COP1: variants seen among roughly 807,000 people sequenced by gnomAD.
COP1 encodes the protein E3 ubiquitin-protein ligase COP1.
In COP1, 24 loss-of-function variants were observed where a neutral mutation model predicts 101.3. The ratio of observed to expected loss-of-function variants is 0.24; its 90% confidence interval spans 0.17 to 0.33. The LOEUF is 0.33. Among genes scored for constraint, COP1 ranks in the 10% least tolerant of loss-of-function variants. COP1 has a pLI of 1.00. For missense variants in COP1, 663 were observed against 906.2 expected, an observed-to-expected ratio of 0.73 and a Z score of 3.45; for synonymous variants, 347 against 341.9, an observed-to-expected ratio of 1.01 and a Z score of -0.17.
At chr1:175,994,684 A>G (rs977594757) in intron 15 of COP1, among the ~76,000 whole-genome samples, 6 of 152,252 alleles carry the variant, frequency 3.9e-5, no homozygotes, top group African/African-American at 1.4e-4. Flanking sequence ...CAATTCAACA[A>G]GAAGAGCTAA....
intron 9 of COP1, among the ~76,000 whole-genome samples, chr1:176,114,886 T>C (rs942337867): frequency 6.6e-6 from 1 of 152,208 alleles, no homozygotes; most frequent in African/African-American, 2.4e-5. Flanking sequence ...TTTAAAGTTA[T>C]ATTGTGATTA....
intron 11 of COP1, among the ~76,000 whole-genome samples, chr1:176,055,252 G>A (rs764635938): frequency 7.7e-4 from 118 of 152,276 alleles, no homozygotes; most frequent in Non-Finnish European, 1.4e-3. Context: ...TGGCCAACAC[G>A]ATGAAATCCA....
intron 18 of COP1, among the ~76,000 whole-genome samples, chr1:175,982,014 A>G (rs1655978372): frequency 6.6e-6 from 1 of 152,004 alleles, no homozygotes; most frequent in African/African-American, 2.4e-5. Context: ...TTAAAAAAAG[A>G]TGAAAGATAA....
At chr1:176,071,401 C>T (rs1163415895) in intron 11 of COP1, among the ~76,000 whole-genome samples, 3 of 152,090 alleles carry the variant, frequency 2.0e-5, no homozygotes, top group South Asian at 2.1e-4. Flanking sequence ...TACCCAGTCT[C>T]GGGTATTTCT....
At chr1:175,991,630 A>G (rs1037325868) in intron 15 of COP1, among the ~76,000 whole-genome samples, 2 of 152,214 alleles carry the variant, frequency 1.3e-5, no homozygotes, top group African/African-American at 4.8e-5. Flanking sequence ...GACTCTTGTA[A>G]TAACACTTAG....
chr1:176,158,252 G>C (rs1472134126), intron 5 of COP1, among the ~76,000 whole-genome samples: 1 of 152,128 alleles, frequency 6.6e-6, no homozygotes, highest in African/African-American at 2.4e-5. Flanking sequence ...AGACAGTGGA[G>C]CAACATTTCT....
At position 176,206,620 on chromosome 1, in the gene COP1, C is replaced by G. The variant is rs1700883791; in HGVS notation, c.359G>C (p.Cys120Ser). 1.2e-6 allele frequency: 2 copies of G among 1,612,052 alleles called. No homozygotes were observed. Among genetic ancestry groups the G allele is most frequent in the South Asian group, 2.2e-5 (2 of 91,082 alleles). Residue 120 changes from cysteine (C) to serine (S), a missense_variant, in exon 1 of 20, where the codon TGC becomes TCC. Cys to Ser is a moderately radical substitution (Grantham distance 112). Coordinates refer to ENST00000367669, the MANE Select transcript of COP1 (RefSeq NM_022457.7). ...CTCGTAGGAGTTGATGAGCCCGTTG[C>G]AGAGGGGGGCGAGGAGAGGTCGCTT... is the stretch of plus-strand genomic sequence containing the variant. ...SRKRPLLAPL[C>S]NGLINSYEDK...
At chr1:175,986,904 A>G (rs1558215365) in intron 18 of COP1, 39 bp downstream of exon 18, 7 of 1,470,106 alleles carry the variant, frequency 4.8e-6, no homozygotes, top group Middle Eastern at 1.8e-4. Flanking sequence ...AATGCATAAT[A>G]TGAGATCCCA....
chr1:176,168,423 G>C (rs1177532592), intron 3 of COP1, among the ~76,000 whole-genome samples: 6 of 149,438 alleles, frequency 4.0e-5, no homozygotes, highest in Admixed American at 1.3e-4. Flanking sequence ...GGAGTACGGG[G>C]GAAAGGAAGG....
At chr1:175,960,781 T>A (rs1467817888) in intron 18 of COP1, among the ~76,000 whole-genome samples, 3 of 152,182 alleles carry the variant, frequency 2.0e-5, no homozygotes, top group Non-Finnish European at 2.9e-5. Context: ...ACTCCTGATG[T>A]CCAAGGTAAC....
At chr1:175,955,748 GA>G (rs1650543323) in intron 18 of COP1, among the ~76,000 whole-genome samples, 1 of 82,406 alleles carries the variant, frequency 1.2e-5, no homozygotes, top group African/African-American at 3.6e-5. Context: ...TAAAAAGCAT[GA>G]ATCATTTAGA....
intron 13 of COP1, among the ~76,000 whole-genome samples, chr1:176,043,503 AG>A (rs1670996281): frequency 6.6e-6 from 1 of 152,228 alleles, no homozygotes; most frequent in Non-Finnish European, 1.5e-5. Flanking sequence ...TAAAGACCGA[AG>A]TCTGAAGAAA....
At chr1:175,980,171 G>A (rs1185596087) in intron 18 of COP1, among the ~76,000 whole-genome samples, 3 of 152,082 alleles carry the variant, frequency 2.0e-5, no homozygotes, top group African/African-American at 7.2e-5. Context: ...TCACACAGCT[G>A]ATCAGTGGGG....
At position 176,201,504 on chromosome 1, in the gene COP1, T is replaced by G. The variant is rs114259471; in HGVS notation, c.407+5068A>C. Among the ~76,000 whole-genome samples the G allele has an allele frequency of 5.9e-3, 894 of 152,356 alleles. 11 individuals are homozygous for G. Among genetic ancestry groups the G allele is most frequent in the African/African-American group, 0.021 (857 of 41,588 alleles). On this transcript the variant is annotated intron_variant, in intron 1 of 19. Transcript: ENST00000367669. Reference sequence around the variant, plus strand: ...TTCTTAGATGGAACATATCCACCTATGTAATGTTGGCTCATTATCAGAAAA... The same window carrying G: ...TTCTTAGATGGAACATATCCACCTAGGTAATGTTGGCTCATTATCAGAAAA...
intron 18 of COP1, among the ~76,000 whole-genome samples, chr1:175,947,788 A>G (rs1228066785): frequency 6.6e-6 from 1 of 152,250 alleles, no homozygotes; most frequent in Non-Finnish European, 1.5e-5. Context: ...TTGAATGTAA[A>G]CAAAAATAAA....
intron 2 of COP1, among the ~76,000 whole-genome samples, chr1:176,178,328 T>C (rs1509753): frequency 0.99 from 149,086 of 151,012 alleles, 73,629 homozygotes; most frequent in Non-Finnish European, 1. Flanking sequence ...ATGGCAAAAC[T>C]CTGTCTCTAC....
chr1:175,996,772 T>C (rs1205148403), intron 15 of COP1, among the ~76,000 whole-genome samples: 15 of 152,098 alleles, frequency 9.9e-5, no homozygotes, highest in Non-Finnish European at 1.6e-4. Flanking sequence ...TGGAAGAACA[T>C]TCCATGCTCA....
intron 3 of COP1, among the ~76,000 whole-genome samples, chr1:176,164,764 A>G (rs917253769): frequency 2.6e-5 from 4 of 152,234 alleles, no homozygotes; most frequent in African/African-American, 7.2e-5. Context: ...TACATTTTCC[A>G]TAATGTTTAA....
chr1:176,061,102 AAG>A (rs773766552), intron 11 of COP1, among the ~76,000 whole-genome samples: 9 of 152,250 alleles, frequency 5.9e-5, no homozygotes, highest in Non-Finnish European at 1.2e-4. Flanking sequence ...GTACTGGCCT[AAG>A]AGGAGACATA....
Sources: allele counts gnomAD v4.1 joint callset (sites outside exome capture counted in the v4.1 genomes callset), GRCh38; gene constraint gnomAD v4.1.1; transcripts MANE v1.5; gene names NCBI Gene and HGNC (gene_info 2026-07-23, HGNC 2026-07-21).